The following SFXN2 variants were observed in gnomAD, a reference collection of about 807,000 sequenced individuals.
SFXN2 encodes sideroflexin 2.
In SFXN2, 37 loss-of-function variants were observed where a neutral mutation model predicts 41.9. The ratio of observed to expected loss-of-function variants is 0.88; its 90% CI spans 0.68 to 1.16. The LOEUF is 1.16. SFXN2 is among the 50% of genes most tolerant of loss of function. The pLI, the probability that SFXN2 is intolerant of heterozygous loss-of-function variation, is 0.00. For synonymous variants in SFXN2, 150 were observed against 156.7 expected (o/e 0.96, Z 0.32); for missense variants, 386 against 425.2 (o/e 0.91, Z 0.81).
chr10:102,719,772 A>G (rs1452487871), intron 1 of SFXN2, among the ~76,000 whole-genome samples: 1 of 152,228 alleles, frequency 6.6e-6, no homozygotes, highest in African/African-American at 2.4e-5. Context: ...AGCAAAATGA[A>G]CATACCACCT....
intron 10 of SFXN2, 152 bp from the exon 11 acceptor site, chr10:102,735,710 C>A: frequency 1.3e-6 from 1 of 766,932 alleles, no homozygotes. Flanking sequence ...CCTCGCACTG[C>A]GGGAACAGGA....
At position 102,735,220 on chromosome 10, in the gene SFXN2, C is replaced by T. The variant is rs79981445; in HGVS notation, c.822-642C>T. Among the ~76,000 whole-genome samples the T allele has an allele frequency of 9.3e-3, 1,310 of 141,084 alleles. 10 individuals are homozygous for T. The highest frequency in any genetic ancestry group is 0.017 in the Non-Finnish European group (1,113 of 65,256). The allele number at this position is 141,084 out of a possible 152,430, so 92.6% of individuals were successfully genotyped here. On this transcript the variant is annotated intron_variant, in intron 10 of 11. Coordinates refer to ENST00000369893, the MANE Select transcript of SFXN2 (RefSeq NM_178858.6). ...CCATGTTGCTCCTCCCCTCCATGTC[C>T]TTCTCCCTCTCCATGTTGCTCCTCC...
intron 8 of SFXN2, 100 bp downstream of exon 8, chr10:102,732,318 A>G: frequency 1.0e-6 from 1 of 979,722 alleles, no homozygotes; most frequent in Non-Finnish European, 1.6e-6. Context: ...CCCACCTTCT[A>G]CAGCCATGCT....
Position 102,731,713 on chromosome 10 carries a change from C to T in SFXN2, c.594-10C>T, listed in dbSNP as rs2064706961. The stretch of plus-strand genomic sequence containing the variant: ...CTTTCCCAAGTCCATTAACTCCTGT[C>T]TGTGTTTAGGGAGCTCATAAAGGGA... On this transcript the variant is annotated splice_polypyrimidine_tract_variant and intron_variant, in intron 6 of 11. Transcript: ENST00000369893. 6.2e-7 allele frequency: 1 copy of T among 1,611,732 alleles called. No individual in the cohort carries two copies. Among genetic ancestry groups the T allele is most frequent in the Admixed American group, 1.7e-5 (1 of 59,870 alleles).
intron 1 of SFXN2, among the ~76,000 whole-genome samples, chr10:102,724,757 TC>T (rs919072097): frequency 1.3e-5 from 2 of 152,160 alleles, no homozygotes; most frequent in Non-Finnish European, 2.9e-5. Flanking sequence ...TTGTCTGTTG[TC>T]CACTTTTCCC....
intron 7 of SFXN2, 27 bp downstream of exon 7, chr10:102,731,810 G>A: frequency 1.9e-6 from 3 of 1,602,844 alleles, no homozygotes; most frequent in Non-Finnish European, 2.6e-6. Flanking sequence ...CTTTGGGGTG[G>A]GAGGAGGGAA....
chr10:102,725,571 T>C lies in SFXN2; in HGVS notation c.-25-1041T>C, dbSNP rs369808677. 5.3e-5 allele frequency among the ~76,000 whole-genome samples: 8 copies of C among 152,196 alleles called. No individual in the cohort carries two copies. The East Asian group carries it at 9.7e-4, about 18-fold the overall frequency. ...CTGTCAATTACCATTCACTCCAGCCTGGATAAAATAATGAGACTCTGTCTC... is the reference window on the plus strand; with the variant it reads ...CTGTCAATTACCATTCACTCCAGCCCGGATAAAATAATGAGACTCTGTCTC... On this transcript the variant is annotated intron_variant, in intron 1 of 11. Coordinates refer to ENST00000369893, the MANE Select transcript of SFXN2 (RefSeq NM_178858.6).
Position 102,740,351 on chromosome 10 carries a change from ATCC to A in SFXN2, c.*2594_*2596del, listed in dbSNP as rs1205281172. ...AGCCTCAACCTCCTGAGCTCAAGTA[ATCC>A]TCCTGCCTCAGCCTCTGGGGTAGCT... On this transcript the variant is annotated 3_prime_UTR_variant, in exon 12 of 12. Coordinates refer to ENST00000369893, the MANE Select transcript of SFXN2 (RefSeq NM_178858.6). 6.6e-5 allele frequency: 10 copies of A among 152,156 alleles called. No individual in the cohort carries two copies. The highest frequency in any genetic ancestry group is 2.4e-4 in the African/African-American group (10 of 41,418). 9.4% of individuals were successfully genotyped at this position (152,156 alleles called of 1,614,324 possible). A position where few individuals can be genotyped will look rare whatever the true frequency, so the allele number is the denominator to read the frequency against.
chr10:102,727,623 T>G, intron 3 of SFXN2: 1 of 156,626 alleles, frequency 6.4e-6, no homozygotes, highest in Non-Finnish European at 1.4e-5. Flanking sequence ...CTCTTCTTCC[T>G]ACCTCTTCCT....
chr10:102,726,781 A>C lies in SFXN2; in HGVS notation c.145A>C (p.Met49Leu), dbSNP rs35280942. Residue 49 changes from methionine (M) to leucine (L), a missense_variant, in exon 2 of 12, where the codon ATG (methionine) becomes CTG (leucine). Physicochemically the swap from Met to Leu is conservative, Grantham distance 15. Coordinates refer to ENST00000369893, the MANE Select transcript of SFXN2 (RefSeq NM_178858.6). Reference protein sequence around the residue: ...SERELDWAKVMVEKSRMGVVP... With the variant: ...SERELDWAKVLVEKSRMGVVP... ...GCGGGAGCTGGACTGGGCCAAGGTG[A>C]TGGTGGAGAAGAGCAGGTGAGGGGT... 3,261 of 1,614,104 alleles carry C rather than the reference A, an allele frequency of 2.0e-3. 50 individuals are homozygous for C. In the African/African-American group the frequency reaches 0.038, roughly 19 times the overall value.
Position 102,732,212 on chromosome 10 carries a change from G to T in SFXN2, c.715G>T (p.Gly239Trp). The T allele has an allele frequency of 6.2e-7, 1 of 1,613,958 alleles. No individual in the cohort carries two copies. The highest frequency in any genetic ancestry group is 8.5e-7 in the Non-Finnish European group (1 of 1,179,944). ...VISRITMSAP[G>W]MILLPVIMER... ...TTCTCGGATCACCATGTCAGCTCCT[G>T]GGATGAGTAAGATGGGGAAGCCCTT... Residue 239 changes from glycine (G) to tryptophan (W), a missense_variant, in exon 8 of 12, where the codon GGG becomes TGG. Coordinates refer to ENST00000369893, the MANE Select transcript of SFXN2 (RefSeq NM_178858.6).
chr10:102,735,163 T>C (rs2064757808), intron 10 of SFXN2, among the ~76,000 whole-genome samples: 1 of 143,674 alleles, frequency 7.0e-6, no homozygotes, highest in South Asian at 2.3e-4. Flanking sequence ...TCCCTCCTCA[T>C]CCCTCCTCCC....
chr10:102,735,980 T>C (rs1389601491), intron 11 of SFXN2, 71 bp downstream of exon 11: 2 of 1,452,364 alleles, frequency 1.4e-6, no homozygotes, highest in East Asian at 4.5e-5. Context: ...CTGCCTGCTG[T>C]CCAGAAGGAG....
chr10:102,730,883 C>T (rs1195098682), intron 6 of SFXN2, among the ~76,000 whole-genome samples: 2 of 152,070 alleles, frequency 1.3e-5, no homozygotes, highest in African/African-American at 2.4e-5. Context: ...GTCAGGAGAT[C>T]GAGACCATCC....
Position 102,728,518 on chromosome 10 carries a change from C to G in SFXN2, c.420C>G (p.Pro140=), listed in dbSNP as rs372164939. ...VNYTNRNAAS[P]TSVRQMALSY... ...ACACCAACAGGAATGCGGCTTCCCC[C>G]ACATCAGTCAGGTAGGAGACCTGAA... Residue 140 remains proline, a synonymous_variant, in exon 4 of 12, where the codon CCC becomes CCG. Transcript: ENST00000369893. The G allele has an allele frequency of 1.2e-6, 2 of 1,613,658 alleles. No homozygotes were observed. The highest frequency in any genetic ancestry group is 1.3e-5 in the African/African-American group (1 of 74,896).
intron 1 of SFXN2, among the ~76,000 whole-genome samples, chr10:102,720,522 C>T (rs763718379): frequency 6.0e-5 from 9 of 151,132 alleles, no homozygotes; most frequent in Admixed American, 2.0e-4. Flanking sequence ...GTCAGAGGAT[C>T]GTTTGAGCCT....
Position 102,736,058 on chromosome 10 carries a change from T to G in SFXN2, c.869+149T>G, listed in dbSNP as rs1046549668. ...TGTCCATCAGCCTAAAGGCTGGGCC[T>G]CTTAACCCTGGTGAATTCTGACAAA... is the stretch of plus-strand genomic sequence containing the variant. On this transcript the variant is annotated intron_variant, in intron 11 of 11. Transcript: ENST00000369893. The G allele has an allele frequency of 3.8e-6, 3 of 787,086 alleles. No homozygotes were observed. The Admixed American group carries it at 6.3e-5, about 16-fold the overall frequency. 48.8% of individuals were successfully genotyped at this position (787,086 alleles called of 1,614,324 possible). A position where few individuals can be genotyped will look rare whatever the true frequency, so the allele number is the denominator to read the frequency against.
chr10:102,726,915 G>C, intron 2 of SFXN2, 72 bp from the exon 3 acceptor site: 1 of 1,580,124 alleles, frequency 6.3e-7, no homozygotes, highest in East Asian at 2.3e-5. Context: ...GGGGCTGGAA[G>C]AAGTGAGAGT....
intron 1 of SFXN2, among the ~76,000 whole-genome samples, chr10:102,720,162 C>T (rs1323622891): frequency 6.6e-6 from 1 of 151,794 alleles, no homozygotes; most frequent in East Asian, 1.9e-4. Flanking sequence ...TGTGGTGGCA[C>T]GCACCTGTAA....
Sources: allele counts gnomAD v4.1 joint callset (sites outside exome capture counted in the v4.1 genomes callset), GRCh38; gene constraint gnomAD v4.1.1; transcripts MANE v1.5; gene names NCBI Gene and HGNC (gene_info 2026-07-23, HGNC 2026-07-21).